EIF4G3: variants seen among roughly 807,000 people sequenced by gnomAD.
EIF4G3 encodes the protein eIF-4-gamma 3.
EIF4G3 carries 34 observed loss-of-function variants against 186.4 expected under a neutral mutation model. That is an observed-to-expected ratio of 0.18 (90% CI 0.14 to 0.24). The LOEUF (loss-of-function observed/expected upper bound fraction) is 0.24, where lower values mean the gene tolerates loss of function less well. Among genes scored for constraint, EIF4G3 ranks in the 10% least tolerant of loss-of-function variants. The pLI is 1.00. For synonymous variants in EIF4G3, 673 were observed against 679.5 expected, an observed-to-expected ratio of 0.99 and a Z score of 0.15; for missense variants, 1,536 against 1,948.5, an observed-to-expected ratio of 0.79 and a Z score of 3.99.
chr1:20,914,588 TA>T (rs1213343452), intron 14 of EIF4G3, among the ~76,000 whole-genome samples: 1 of 152,172 alleles, frequency 6.6e-6, no homozygotes, highest in Non-Finnish European at 1.5e-5. Context: ...TCCAAAACTG[TA>T]AGATAATTAA....
intron 2 of EIF4G3, among the ~76,000 whole-genome samples, chr1:21,169,371 C>T (rs957084948): frequency 6.6e-6 from 1 of 151,842 alleles, no homozygotes; most frequent in African/African-American, 2.4e-5. Flanking sequence ...TTGTTTGAAC[C>T]CGGGAGGCAG....
intron 2 of EIF4G3, among the ~76,000 whole-genome samples, chr1:21,156,377 C>G (rs567169993): frequency 6.6e-6 from 1 of 152,170 alleles, no homozygotes; most frequent in East Asian, 1.9e-4. Flanking sequence ...TTTTCTCTTC[C>G]CTCTCTCCAT....
At chr1:20,902,066 A>AC (rs1553270397) in intron 15 of EIF4G3, among the ~76,000 whole-genome samples, 1 of 143,546 alleles carries the variant, frequency 7.0e-6, no homozygotes, top group Non-Finnish European at 1.5e-5. Context: ...CTAGGCTATA[A>AC]TTTTTTTTTT....
intron 4 of EIF4G3, among the ~76,000 whole-genome samples, 182 bp from the exon 5 acceptor site, chr1:21,002,990 CTTT>C (rs5772933): frequency 2.8e-5 from 4 of 141,190 alleles, no homozygotes; most frequent in Non-Finnish European, 4.6e-5. Context: ...CCTTTTCTTT[CTTT>C]TTTTTTTTTT....
chr1:20,949,647 G>C (rs1382048793), intron 13 of EIF4G3, among the ~76,000 whole-genome samples: 1 of 152,090 alleles, frequency 6.6e-6, no homozygotes, highest in African/African-American at 2.4e-5. Context: ...AAGATACCTA[G>C]GGACATGCTG....
chr1:21,064,792 T>A (rs1032370508), intron 3 of EIF4G3: 1 of 152,198 alleles, frequency 6.6e-6, no homozygotes, highest in Non-Finnish European at 1.5e-5. Context: ...ACAGGCCAAT[T>A]GCTGTCCTTG....
intron 2 of EIF4G3, among the ~76,000 whole-genome samples, chr1:21,166,359 G>C (rs1391481994): frequency 6.6e-6 from 1 of 152,008 alleles, no homozygotes; most frequent in African/African-American, 2.4e-5. Flanking sequence ...GAGCCCAGCA[G>C]GTCAAGGCTA....
intron 14 of EIF4G3, among the ~76,000 whole-genome samples, chr1:20,932,865 G>C (rs1345209013): frequency 6.6e-6 from 1 of 151,910 alleles, no homozygotes; most frequent in Non-Finnish European, 1.5e-5. Flanking sequence ...GGCATTAACA[G>C]GCTTTCTCAA....
chr1:21,019,867 A>G (rs1253879152), intron 4 of EIF4G3, among the ~76,000 whole-genome samples: 6 of 152,178 alleles, frequency 3.9e-5, no homozygotes. Context: ...CTGGCAACAG[A>G]GCAAGACGCC....
chr1:21,111,633 G>C (rs533781473), intron 2 of EIF4G3: 1 of 258,288 alleles, frequency 3.9e-6, no homozygotes, highest in Non-Finnish European at 7.8e-6. Context: ...GTCCGTGGGA[G>C]CATGTGAGAT....
chr1:21,032,189 A>C (rs754621624), intron 4 of EIF4G3, among the ~76,000 whole-genome samples: 5 of 152,230 alleles, frequency 3.3e-5, no homozygotes, highest in Non-Finnish European at 7.3e-5. Flanking sequence ...ATTATAGCAC[A>C]GATGTTTCCC....
intron 35 of EIF4G3, among the ~76,000 whole-genome samples, chr1:20,811,566 A>G (rs2059251956): frequency 6.6e-6 from 1 of 152,246 alleles, no homozygotes; most frequent in Admixed American, 6.5e-5. Context: ...GAGGGGATGC[A>G]TTTTGAATGC....
intron 30 of EIF4G3, among the ~76,000 whole-genome samples, chr1:20,837,599 G>A (rs2067145691): frequency 6.6e-6 from 1 of 152,170 alleles, no homozygotes; most frequent in Non-Finnish European, 1.5e-5. Context: ...CATCTAAGCA[G>A]TAGCAGCACC....
intron 2 of EIF4G3, among the ~76,000 whole-genome samples, chr1:21,127,628 A>G (rs755502316): frequency 6.6e-6 from 1 of 152,238 alleles, no homozygotes; most frequent in Non-Finnish European, 1.5e-5. Flanking sequence ...GCTTCCTAGC[A>G]ATAAAAGATT....
chr1:20,807,246 T>C lies in EIF4G3; in HGVS notation c.*73A>G, dbSNP rs1021312049. On this transcript the variant is annotated 3_prime_UTR_variant, in exon 37 of 37. Transcript: ENST00000602326. ...GAGAATTGGCCTTGCTGCACTGTGA[T>C]TGGCGAAGACGTGAAACTTTTTAAA... The C allele has an allele frequency of 1.1e-5, 16 of 1,443,754 alleles. 1 individual carries two copies. The highest frequency in any genetic ancestry group is 7.0e-5 in the South Asian group (5 of 71,700). 89.4% of individuals were successfully genotyped at this position (1,443,754 alleles called of 1,614,324 possible). A position where few individuals can be genotyped will look rare whatever the true frequency, so the allele number is the denominator to read the frequency against.
At chr1:21,124,753 T>C (rs1158231265) in intron 2 of EIF4G3, among the ~76,000 whole-genome samples, 4 of 152,166 alleles carry the variant, frequency 2.6e-5, no homozygotes, top group Non-Finnish European at 2.9e-5. Flanking sequence ...AACAGTTAAA[T>C]AATACAATTT....
chr1:21,007,323 G>A (rs1199146286), intron 4 of EIF4G3, among the ~76,000 whole-genome samples: 6 of 151,716 alleles, frequency 4.0e-5, no homozygotes, highest in Non-Finnish European at 7.4e-5. Flanking sequence ...GCTTGAACTC[G>A]GGAGGCAGAG....
intron 7 of EIF4G3, among the ~76,000 whole-genome samples, chr1:20,984,122 C>CA (rs1190387126): frequency 2.0e-5 from 3 of 151,510 alleles, no homozygotes; most frequent in Non-Finnish European, 4.4e-5. Flanking sequence ...ATAGCTGAAC[C>CA]AAAAAAAGCC....
intron 13 of EIF4G3, among the ~76,000 whole-genome samples, chr1:20,948,392 T>G (rs896960151): frequency 6.6e-6 from 1 of 152,200 alleles, no homozygotes; most frequent in African/African-American, 2.4e-5. Context: ...TGAAAGAAGT[T>G]CTTGACAGTG....
Sources: allele counts gnomAD v4.1 joint callset (sites outside exome capture counted in the v4.1 genomes callset), GRCh38; gene constraint gnomAD v4.1.1; transcripts MANE v1.5; gene names NCBI Gene and HGNC (gene_info 2026-07-23, HGNC 2026-07-21).